The following CCDC88C variants were observed in gnomAD, a reference collection of about 807,000 sequenced individuals.
CCDC88C encodes protein Daple.
In CCDC88C, 131 loss-of-function variants were observed where a neutral mutation model predicts 198.8. The observed-to-expected ratio is 0.66, with a 90% CI of 0.57 to 0.76. The LOEUF (loss-of-function observed/expected upper bound fraction) is 0.76. Among genes scored for constraint, CCDC88C ranks in the 30% least tolerant of loss-of-function variants. The pLI, the probability that CCDC88C is intolerant of heterozygous loss-of-function variation, is 0.00. For missense variants in CCDC88C, 2,553 were observed against 2,631.6 expected, an observed-to-expected ratio of 0.97 and a Z score of 0.65; for synonymous variants, 1,166 against 1,114.7, an observed-to-expected ratio of 1.05 and a Z score of -0.92.
chr14:91,412,713 G>A (rs940100274), intron 2 of CCDC88C, among the ~76,000 whole-genome samples: 1 of 152,130 alleles, frequency 6.6e-6, no homozygotes, highest in Admixed American at 6.5e-5. Context: ...GGCATTACAG[G>A]CGTGAGCCAC....
At chr14:91,386,760 C>T (rs1312640229) in intron 3 of CCDC88C, among the ~76,000 whole-genome samples, 3 of 152,198 alleles carry the variant, frequency 2.0e-5, no homozygotes, top group East Asian at 1.9e-4. Flanking sequence ...GAGGCCAGCA[C>T]ACTTTCTCCT....
intron 27 of CCDC88C, among the ~76,000 whole-genome samples, chr14:91,280,883 C>G (rs112167233): frequency 0.018 from 2,688 of 152,288 alleles, 41 homozygotes; most frequent in Middle Eastern, 0.024. Flanking sequence ...GAGCCTTTCA[C>G]AAGTAAACTG....
intron 3 of CCDC88C, among the ~76,000 whole-genome samples, chr14:91,395,423 C>T (rs1480235106): frequency 6.6e-6 from 1 of 152,136 alleles, no homozygotes; most frequent in African/African-American, 2.4e-5. Flanking sequence ...TTGGACGATG[C>T]ACCCTAAGTC....
At chr14:91,294,393 G>A (rs1162989530) in intron 22 of CCDC88C, 75 bp from the exon 23 acceptor site, 2 of 1,532,246 alleles carry the variant, frequency 1.3e-6, no homozygotes, top group African/African-American at 1.4e-5. Flanking sequence ...AGCTCCCAAA[G>A]GAAGAAGGCC....
chr14:91,293,402 T>TCCCATCCTCACCCGCCACAGCTCA (rs1890796108), intron 23 of CCDC88C, among the ~76,000 whole-genome samples: 1 of 22,852 alleles, frequency 4.4e-5, no homozygotes, highest in Non-Finnish European at 6.8e-5. Flanking sequence ...CAGCCCACCT[T>TCCCATCCTCACCCGCCACAGCTCA]CCTGCCCCCT....
At chr14:91,372,718 A>G (rs1205126415) in intron 3 of CCDC88C, among the ~76,000 whole-genome samples, 5 of 152,076 alleles carry the variant, frequency 3.3e-5, no homozygotes, top group Non-Finnish European at 5.9e-5. Context: ...TCTGCACGTT[A>G]TCTAAACGGT....
intron 3 of CCDC88C, among the ~76,000 whole-genome samples, chr14:91,370,627 G>A (rs980219874): frequency 6.6e-6 from 1 of 152,192 alleles, no homozygotes; most frequent in Non-Finnish European, 1.5e-5. Flanking sequence ...AGTAGTTCAG[G>A]AACCATTTTA....
chr14:91,369,363 T>C (rs1284837105), intron 3 of CCDC88C, among the ~76,000 whole-genome samples: 3 of 152,148 alleles, frequency 2.0e-5, no homozygotes, highest in Non-Finnish European at 4.4e-5. Flanking sequence ...CCTGCCGTCA[T>C]GTCCGGCTAA....
chr14:91,392,301 A>G (rs1287412375), intron 3 of CCDC88C, among the ~76,000 whole-genome samples: 1 of 152,134 alleles, frequency 6.6e-6, no homozygotes, highest in African/African-American at 2.4e-5. Flanking sequence ...TGCCAAAACA[A>G]AACAAAAGCA....
At chr14:91,379,188 TC>T (rs1884635049) in intron 3 of CCDC88C, 1 of 152,238 alleles carries the variant, frequency 6.6e-6, no homozygotes. Flanking sequence ...ATGTTACTGG[TC>T]CCTTGACAGG....
At chr14:91,302,685 T>C (rs986505989) in intron 20 of CCDC88C, among the ~76,000 whole-genome samples, 9 of 152,188 alleles carry the variant, frequency 5.9e-5, no homozygotes, top group Non-Finnish European at 1.2e-4. Flanking sequence ...AGGACATAAA[T>C]GACTGTCGAG....
At position 91,313,989 on chromosome 14, in the gene CCDC88C, C is replaced by T. The variant is rs754907863; in HGVS notation, c.1827G>A (p.Leu609=). 2.5e-6 allele frequency: 4 copies of T among 1,613,878 alleles called. No homozygotes were observed. In the South Asian group the frequency reaches 4.4e-5, roughly 18 times the overall value. ...VTEANGKLSQ[L]EFEKRQLHRD... is the part of the protein sequence containing the mutation. ...TGTGCAGCTGCCGCTTCTCAAACTC[C>T]AACTGGCTGAGCTTGCCATTGGCCT... Residue 609 remains leucine, a synonymous_variant, in exon 15 of 30, where the codon TTG becomes TTA. Coordinates refer to ENST00000389857, the MANE Select transcript of CCDC88C (RefSeq NM_001080414.4). The surrounding 1 kb of genome is among the most constrained non-coding windows in gnomAD (Gnocchi z 5.2).
intron 25 of CCDC88C, among the ~76,000 whole-genome samples, chr14:91,285,108 A>C (rs1007063183): frequency 6.6e-6 from 1 of 152,260 alleles, no homozygotes; most frequent in African/African-American, 2.4e-5. Flanking sequence ...CAATCCAATT[A>C]GTCAAAATGC....
At chr14:91,399,357 C>A (rs552044755) in intron 3 of CCDC88C, among the ~76,000 whole-genome samples, 1 of 152,256 alleles carries the variant, frequency 6.6e-6, no homozygotes, top group East Asian at 1.9e-4. Flanking sequence ...CACCAGGAAC[C>A]CACGGACCCC....
intron 4 of CCDC88C, among the ~76,000 whole-genome samples, chr14:91,353,540 G>A (rs547712803): frequency 3.3e-5 from 5 of 152,322 alleles, no homozygotes; most frequent in East Asian, 3.9e-4. Flanking sequence ...CTGGCTGAGG[G>A]GCAGCCAGCT....
Position 91,272,575 on chromosome 14 carries a change from C to T in CCDC88C, c.*50G>A, listed in dbSNP as rs752483434. 1.4e-5 allele frequency: 22 copies of T among 1,545,624 alleles called. No homozygotes were observed. Among genetic ancestry groups the T allele is most frequent in the Non-Finnish European group, 1.7e-5 (20 of 1,143,600 alleles). ...AAGCAAGAGAAAAGGCCGTGAGAGT[C>T]GGAAGGCGCGTCAGTAGTTTTCAGG... On this transcript the variant is annotated 3_prime_UTR_variant, in exon 30 of 30. Transcript: ENST00000389857.
intron 4 of CCDC88C, among the ~76,000 whole-genome samples, chr14:91,356,291 G>A (rs181410138): frequency 2.0e-5 from 3 of 152,238 alleles, no homozygotes; most frequent in Admixed American, 1.3e-4. Flanking sequence ...ACTCATCCGT[G>A]CACCCAGCTC....
Position 91,291,094 on chromosome 14 carries a change from T to C in CCDC88C, c.4113-10A>G, listed in dbSNP as rs758664713. 6.9e-6 allele frequency: 10 copies of C among 1,446,522 alleles called. No individual in the cohort carries two copies. The highest frequency in any genetic ancestry group is 4.7e-5 in the East Asian group (2 of 43,010). The allele number at this position is 1,446,522 out of a possible 1,614,324, so 89.6% of individuals were successfully genotyped here. A position where few individuals can be genotyped will look rare whatever the true frequency, so the allele number is the denominator to read the frequency against. On this transcript the variant is annotated splice_polypyrimidine_tract_variant and intron_variant, in intron 23 of 29. Coordinates refer to ENST00000389857, the MANE Select transcript of CCDC88C (RefSeq NM_001080414.4). ...GGCATTTAATTTGTCTCTGTGAATA[T>C]AGGAGAAAGAAAACCTATCAATCCA... is the stretch of plus-strand genomic sequence containing the variant.
chr14:91,406,259 A>T (rs796920795), intron 3 of CCDC88C, among the ~76,000 whole-genome samples: 4 of 152,314 alleles, frequency 2.6e-5, no homozygotes, highest in African/African-American at 9.6e-5. Context: ...CTGGACTGGC[A>T]GGGCCAGAGG....
Sources: allele counts gnomAD v4.1 joint callset (sites outside exome capture counted in the v4.1 genomes callset), GRCh38; gene constraint gnomAD v4.1.1; non-coding constraint Gnocchi (gnomAD v3.1); transcripts MANE v1.5; gene names NCBI Gene and HGNC (gene_info 2026-07-23, HGNC 2026-07-21).